Variants in NLGN1 observed in about 807,000 individuals in gnomAD.
The protein encoded by NLGN1 is neuroligin 1.
Under a neutral mutation model 65.5 loss-of-function variants are expected in NLGN1, and 12 were observed. The ratio of observed to expected loss-of-function variants is 0.18; its 90% CI spans 0.12 to 0.30. NLGN1 has a LOEUF of 0.30. NLGN1 is among the 10% of genes least tolerant of loss of function. The probability of loss-of-function intolerance (pLI) is 1.00; values close to 1 mark genes in which losing one functional copy is unlikely to be tolerated. For missense variants in NLGN1, 750 were observed against 1,007.1 expected (o/e 0.74, Z 3.46); for synonymous variants, 350 against 359.5 (o/e 0.97, Z 0.30).
intron 4 of NLGN1, among the ~76,000 whole-genome samples, chr3:173,904,426 C>T (rs1451419428): frequency 6.6e-6 from 1 of 152,002 alleles, no homozygotes; most frequent in African/African-American, 2.4e-5. Flanking sequence ...TCTTAACTTT[C>T]ACCTCTTTCT....
chr3:173,970,173 A>C (rs1412679460), intron 4 of NLGN1, among the ~76,000 whole-genome samples: 1 of 152,158 alleles, frequency 6.6e-6, no homozygotes, highest in Non-Finnish European at 1.5e-5. Flanking sequence ...CCTTTAGTCT[A>C]TTGTGCACTT....
At chr3:173,502,347 T>A (rs1456632796) in intron 2 of NLGN1, among the ~76,000 whole-genome samples, 1 of 152,120 alleles carries the variant, frequency 6.6e-6, no homozygotes, top group East Asian at 1.9e-4. Context: ...AGGAGTAATT[T>A]CAATGAAATG....
chr3:173,890,766 G>A lies in NLGN1; in HGVS notation c.646+82934G>A, dbSNP rs139218876. Among the ~76,000 whole-genome samples, 895 of 152,224 alleles carry A rather than the reference G, an allele frequency of 5.9e-3. 9 individuals are homozygous for A. Among genetic ancestry groups the A allele is most frequent in the African/African-American group, 0.021 (854 of 41,528 alleles). The stretch of plus-strand genomic sequence containing the variant: ...AGCGTGGTCTCTAATGGAAAAATCC[G>A]AGAGCTCCTTCACACATGGCAATAG... On this transcript the variant is annotated intron_variant, in intron 4 of 6. Transcript: ENST00000457714.
rs573672901 is a variant in NLGN1 at position 174,077,068 on chromosome 3, A to G, written c.647-198247A>G. Among the ~76,000 whole-genome samples, 46 of 152,322 alleles carry G rather than the reference A, an allele frequency of 3.0e-4. No individual in the cohort carries two copies. In the South Asian group the frequency reaches 8.9e-3, roughly 29 times the overall value. On this transcript the variant is annotated intron_variant, in intron 4 of 6. Transcript: ENST00000457714. ...ATTTGTTTAAATAACTGGACATTTA[A>G]AACTGATTCTCAATAGAAAATTTGC...
rs550645390 is a variant in NLGN1 at position 173,570,877 on chromosome 3, G to T, written c.-320-33402G>T. The stretch of plus-strand genomic sequence containing the variant: ...TGCCACCAAGCTCAGCTATTTTTTT[G>T]TATTTTAGTAGAGATGGGGTTTCAC... On this transcript the variant is annotated intron_variant, in intron 2 of 6. Transcript: ENST00000457714. Among the ~76,000 whole-genome samples, 617 of 152,092 alleles carry T rather than the reference G, an allele frequency of 4.1e-3. 5 individuals carry two copies. The highest frequency in any genetic ancestry group is 6.1e-3 in the Non-Finnish European group (415 of 67,986).
At chr3:173,881,089 C>CTTTT (rs928288845) in intron 4 of NLGN1, among the ~76,000 whole-genome samples, 53 of 108,220 alleles carry the variant, frequency 4.9e-4, no homozygotes, top group East Asian at 8.1e-4. Context: ...AGGCTCCCTC[C>CTTTT]TTTTTTTTTT....
chr3:174,242,151 A>C (rs1742997915), intron 4 of NLGN1, among the ~76,000 whole-genome samples: 1 of 152,182 alleles, frequency 6.6e-6, no homozygotes, highest in Non-Finnish European at 1.5e-5. Context: ...TGTGTTGATA[A>C]TAATACTGGC....
intron 3 of NLGN1, among the ~76,000 whole-genome samples, chr3:173,620,605 A>G (rs1000453397): frequency 6.6e-5 from 10 of 152,306 alleles, no homozygotes; most frequent in East Asian, 1.9e-4. Context: ...AATACTGAAC[A>G]AATTTTTAAT....
At chr3:173,750,181 A>G (rs550604738) in intron 3 of NLGN1, among the ~76,000 whole-genome samples, 22 of 151,066 alleles carry the variant, frequency 1.5e-4, no homozygotes, top group Non-Finnish European at 2.7e-4. Context: ...TCTCCTTCAT[A>G]TAGGCAGATC....
At chr3:173,663,291 C>T (rs1237588837) in intron 3 of NLGN1, among the ~76,000 whole-genome samples, 1 of 151,890 alleles carries the variant, frequency 6.6e-6, no homozygotes, top group Non-Finnish European at 1.5e-5. Context: ...TTAAGACAGA[C>T]ACATAACAAT....
At chr3:173,647,935 A>G (rs948297331) in intron 3 of NLGN1, among the ~76,000 whole-genome samples, 6 of 152,162 alleles carry the variant, frequency 3.9e-5, no homozygotes, top group African/African-American at 1.4e-4. Flanking sequence ...TCTTTGAACA[A>G]AAGAGGCACT....
intron 5 of NLGN1, among the ~76,000 whole-genome samples, chr3:174,276,976 C>T (rs1750706473): frequency 6.6e-6 from 1 of 151,840 alleles, no homozygotes; most frequent in Non-Finnish European, 1.5e-5. Flanking sequence ...TAGCTAGTAT[C>T]AAACGGGCAT....
chr3:173,663,106 AGGT>A (rs1254390998), intron 3 of NLGN1, among the ~76,000 whole-genome samples: 1 of 152,026 alleles, frequency 6.6e-6, no homozygotes, highest in Non-Finnish European at 1.5e-5. Context: ...ACTTTGGAGT[AGGT>A]GAACTTGGGT....
intron 2 of NLGN1, among the ~76,000 whole-genome samples, chr3:173,471,099 C>T (rs991330186): frequency 1.3e-5 from 2 of 152,068 alleles, no homozygotes; most frequent in Non-Finnish European, 2.9e-5. Context: ...CAACAATAAA[C>T]GCCTGCATCC....
intron 4 of NLGN1, among the ~76,000 whole-genome samples, chr3:173,861,499 A>T (rs1017423357): frequency 6.7e-6 from 1 of 148,686 alleles, no homozygotes; most frequent in Non-Finnish European, 1.5e-5. Context: ...AGAATTGCCA[A>T]TTCCAGTAGC....
At chr3:174,224,943 T>G (rs1739341507) in intron 4 of NLGN1, among the ~76,000 whole-genome samples, 2 of 152,128 alleles carry the variant, frequency 1.3e-5, no homozygotes, top group South Asian at 4.1e-4. Context: ...TAGAAGCTTG[T>G]TAGGAGTTTA....
chr3:173,726,730 CCTTT>C (rs1268180915), intron 3 of NLGN1, among the ~76,000 whole-genome samples: 3 of 151,968 alleles, frequency 2.0e-5, no homozygotes, highest in Admixed American at 6.6e-5. Context: ...AATAGTTTTA[CCTTT>C]CTTTATAAAG....
At chr3:174,289,322 C>G (rs1325194196), downstream of NLGN1, among the ~76,000 whole-genome samples, 1 of 151,250 alleles carries the variant, frequency 6.6e-6, no homozygotes, top group Non-Finnish European at 1.5e-5. Context: ...TATTAAGCAT[C>G]TATTATATAT....
chr3:173,604,545 T>C, exon 3 of NLGN1: 1 of 1,583,250 alleles, frequency 6.3e-7, no homozygotes, highest in Non-Finnish European at 8.6e-7. Context: ...CTCAAGTGGA[T>C]ATAAATACGT....
Sources: allele counts gnomAD v4.1 joint callset (sites outside exome capture counted in the v4.1 genomes callset), GRCh38; gene constraint gnomAD v4.1.1; transcripts MANE v1.5; gene names NCBI Gene and HGNC (gene_info 2026-07-23, HGNC 2026-07-21).